Variants in RUBCNL observed in about 807,000 individuals in gnomAD.
The protein encoded by RUBCNL is rubicon like autophagy enhancer, also known as protein associated with UVRAG as autophagy enhancer.
In RUBCNL, 62 loss-of-function variants were observed where a neutral mutation model predicts 69.5. The ratio of observed to expected loss-of-function variants is 0.89; its 90% confidence interval spans 0.73 to 1.10. The LOEUF is 1.10. Among genes scored for constraint, RUBCNL ranks in the 50% least tolerant of loss-of-function variants. The pLI is 0.00. For missense variants in RUBCNL, 768 were observed against 798.1 expected, an observed-to-expected ratio of 0.96 and a Z score of 0.45; for synonymous variants, 291 against 303.6, an observed-to-expected ratio of 0.96 and a Z score of 0.43.
intron 8 of RUBCNL, among the ~76,000 whole-genome samples, chr13:46,360,519 T>A (rs9634802): frequency 1.3e-5 from 2 of 152,266 alleles, no homozygotes; most frequent in East Asian, 3.9e-4. Flanking sequence ...CGGCATAGCA[T>A]GCCCCTCCAC....
chr13:46,375,760 C>T (rs2048978546), intron 2 of RUBCNL, among the ~76,000 whole-genome samples: 1 of 151,968 alleles, frequency 6.6e-6, no homozygotes, highest in Non-Finnish European at 1.5e-5. Flanking sequence ...GATTTGAGGG[C>T]CCTATATTTT....
intron 1 of RUBCNL, among the ~76,000 whole-genome samples, chr13:46,383,921 C>A (rs2049176825): frequency 6.6e-6 from 1 of 152,144 alleles, no homozygotes; most frequent in Non-Finnish European, 1.5e-5. Context: ...ACTAATTTAG[C>A]CCTAATTCTA....
chr13:46,363,077 A>G, intron 6 of RUBCNL, 38 bp downstream of exon 6: 1 of 1,288,550 alleles, frequency 7.8e-7, no homozygotes, highest in Non-Finnish European at 1.1e-6. Flanking sequence ...GGGATTGGGG[A>G]GGCAGCCAGT....
In RUBCNL at chr13:46,335,274, T is replaced by G. The variant is rs1295340286; in HGVS notation, c.*8111A>C. Among the ~76,000 whole-genome samples the G allele has an allele frequency of 3.7e-3, 536 of 145,694 alleles. 4 individuals are homozygous for G. The highest frequency in any genetic ancestry group is 0.011 in the South Asian group (52 of 4,598). ...TTGTTGTTGTTGTTTTTTTTTTTTTTTTTTTTTTTTTAAGAGACAGGGTCT... is the reference window on the plus strand; with the variant it reads ...TTGTTGTTGTTGTTTTTTTTTTTTTGTTTTTTTTTTTAAGAGACAGGGTCT... On this transcript the variant is annotated 3_prime_UTR_variant, in exon 15 of 15. Transcript: ENST00000429979.
chr13:46,335,768 T>C lies in RUBCNL; in HGVS notation c.*7617A>G, dbSNP rs1367349541. Among the ~76,000 whole-genome samples the C allele has an allele frequency of 6.6e-6, 1 of 152,166 alleles. No individual in the cohort carries two copies. Among genetic ancestry groups the C allele is most frequent in the African/African-American group, 2.4e-5 (1 of 41,448 alleles). ...TGGGGAGTGAGGGAAAGGGAAAGGA[T>C]GACTCCTAGGTGTTTGGCTTAAGCG... On this transcript the variant is annotated 3_prime_UTR_variant, in exon 15 of 15. Coordinates refer to ENST00000429979, the MANE Select transcript of RUBCNL (RefSeq NM_025113.5).
intron 7 of RUBCNL, 27 bp from the exon 8 acceptor site, chr13:46,361,600 G>A (rs2048612221): frequency 1.9e-6 from 3 of 1,566,394 alleles, no homozygotes; most frequent in Non-Finnish European, 2.6e-6. Flanking sequence ...GCAAATACTG[G>A]AAAACTATAT....
chr13:46,356,797 C>T (rs1198394325), intron 9 of RUBCNL, among the ~76,000 whole-genome samples: 3 of 151,874 alleles, frequency 2.0e-5, no homozygotes, highest in African/African-American at 7.3e-5. Context: ...TCAAACTCCT[C>T]GGCTCAGCTC....
At chr13:46,390,021 G>C (rs1185454213), upstream of RUBCNL, 2 of 152,104 alleles carry the variant, frequency 1.3e-5, no homozygotes, top group African/African-American at 4.8e-5. Context: ...ATGAGTGTCA[G>C]GGACAACTCA....
intron 1 of RUBCNL, among the ~76,000 whole-genome samples, chr13:46,384,487 C>T (rs2049192184): frequency 6.6e-6 from 1 of 152,134 alleles, no homozygotes; most frequent in African/African-American, 2.4e-5. Context: ...TGCAAACGTA[C>T]TTACTCTACA....
chr13:46,374,741 C>T (rs917296508), intron 2 of RUBCNL, among the ~76,000 whole-genome samples: 4 of 152,216 alleles, frequency 2.6e-5, no homozygotes, highest in African/African-American at 9.6e-5. Flanking sequence ...CAAGGCCTGA[C>T]ATGATGCTGT....
At chr13:46,387,438 C>T, upstream of RUBCNL, 2 of 985,428 alleles carry the variant, frequency 2.0e-6, no homozygotes, top group Non-Finnish European at 1.2e-6. Context: ...TACACCGGTG[C>T]CGCGGCGCCC....
rs537361495 is a variant in RUBCNL, at chr13:46,345,485, T to A, written c.1747A>T (p.Ile583Phe). 1.6e-5 allele frequency: 25 copies of A among 1,587,822 alleles called. No homozygotes were observed. The East Asian group carries it at 2.8e-4, about 18-fold the overall frequency. ...ACATGTGCAAGGGAAGCTTTCAGAA[T>A]GTCCTTGAGTAAGGGTGCCAGCAGC... ...KGLLAPLLKD[I>F]LKASLAHVAG... Residue 583 changes from isoleucine (I) to phenylalanine (F), a missense_variant, in exon 13 of 15, where the codon ATT (isoleucine) becomes TTT (phenylalanine). Transcript: ENST00000429979.
chr13:46,362,536 AC>A lies in RUBCNL; in HGVS notation c.986+1del. 1 of 1,604,622 alleles carries A rather than the reference AC, an allele frequency of 6.2e-7. No individual in the cohort carries two copies. The highest frequency in any genetic ancestry group is 8.5e-7 in the Non-Finnish European group (1 of 1,174,058). On this transcript the variant is annotated splice_donor_variant, in intron 7 of 14. Coordinates refer to ENST00000429979, the MANE Select transcript of RUBCNL (RefSeq NM_025113.5). LOFTEE classifies it high-confidence loss of function. ...TGTGCACTGTGCACAGAAGACAGAT[AC>A]CTCTTAGAGGAGCTGCAGGAACAGC...
intron 1 of RUBCNL, among the ~76,000 whole-genome samples, chr13:46,380,887 T>TA (rs570142128): frequency 4.6e-5 from 7 of 151,944 alleles, no homozygotes; most frequent in Non-Finnish European, 1.0e-4. Context: ...TTACATATAT[T>TA]AAAAAAAACC....
At chr13:46,380,287 C>T (rs1290179272) in intron 1 of RUBCNL, among the ~76,000 whole-genome samples, 5 of 152,234 alleles carry the variant, frequency 3.3e-5, no homozygotes, top group Non-Finnish European at 4.4e-5. Context: ...AAATGACTAA[C>T]TCCCTCTGGT....
chr13:46,343,333 C>T lies in RUBCNL; in HGVS notation c.*52G>A, dbSNP rs781550637. On this transcript the variant is annotated 3_prime_UTR_variant, in exon 15 of 15. Coordinates refer to ENST00000429979, the MANE Select transcript of RUBCNL (RefSeq NM_025113.5). ...AATGTCACCAATAATAGACACAAATCGGTGTTATCATAAGGCATGTTGAAC... is the reference window on the plus strand; with the variant it reads ...AATGTCACCAATAATAGACACAAATTGGTGTTATCATAAGGCATGTTGAAC... 23 of 1,586,214 alleles carry T rather than the reference C, an allele frequency of 1.4e-5. No homozygotes were observed. Among genetic ancestry groups the T allele is most frequent in the African/African-American group, 2.7e-5 (2 of 74,400 alleles).
chr13:46,360,160 G>T (rs1345335256), intron 8 of RUBCNL, among the ~76,000 whole-genome samples: 2 of 152,008 alleles, frequency 1.3e-5, no homozygotes, highest in Non-Finnish European at 2.9e-5. Context: ...AGGCCGAGGT[G>T]GGTGGATCAC....
Position 46,343,484 on chromosome 13 carries a change from G to A in RUBCNL, c.1890C>T (p.Cys630=), listed in dbSNP as rs1179685466. The change falls in exon 15 of 15, where the codon TGC becomes TGT. Residue 630 remains cysteine (C), a synonymous_variant. Coordinates refer to ENST00000429979, the MANE Select transcript of RUBCNL (RefSeq NM_025113.5). ...AGGACTGGAAGCACTGTTTGTGAAA[G>A]CAAGCCCTGCACGCTGCAAGCAAGG... ...TCRRCSACRA[C]FHKQCFQSSE... 3 of 1,613,756 alleles carry A rather than the reference G, an allele frequency of 1.9e-6. No individual in the cohort carries two copies. In the African/African-American group the frequency reaches 4.0e-5, roughly 22 times the overall value.
chr13:46,349,627 C>T (rs891525297), intron 11 of RUBCNL, among the ~76,000 whole-genome samples: 1 of 151,692 alleles, frequency 6.6e-6, no homozygotes, highest in African/African-American at 2.4e-5. Flanking sequence ...CAGTGTGGGG[C>T]CTTGGAAAGA....
Sources: allele counts gnomAD v4.1 joint callset (sites outside exome capture counted in the v4.1 genomes callset), GRCh38; gene constraint gnomAD v4.1.1; transcripts MANE v1.5; gene names NCBI Gene and HGNC (gene_info 2026-07-23, HGNC 2026-07-21).